The following WASF3 variants were observed in gnomAD, a reference collection of about 807,000 sequenced individuals.
The protein encoded by WASF3 is WASP family member 3.
A neutral mutation model predicts 46.6 loss-of-function variants in WASF3; 11 were observed. The ratio of observed to expected loss-of-function variants is 0.24; its 90% CI spans 0.15 to 0.39. The LOEUF is 0.39. Ranked by LOEUF, WASF3 falls within the 10% of genes least tolerant of loss-of-function variation. WASF3 has a pLI of 1.00. For synonymous variants in WASF3, 242 were observed against 259.7 expected, an observed-to-expected ratio of 0.93 and a Z score of 0.65; for missense variants, 576 against 669.8, an observed-to-expected ratio of 0.86 and a Z score of 1.55.
the WASF3 span, among the ~76,000 whole-genome samples, chr13:26,548,632 A>G: frequency 1.3e-5 from 2 of 152,236 alleles, no homozygotes; most frequent in African/African-American, 4.8e-5. Flanking sequence ...AACTGCCTTC[A>G]GTGGCTCCTT....
rs9512318 is a variant in WASF3, at chr13:26,665,118, G to A, written c.224G>A (p.Arg75His). The A allele has an allele frequency of 7.4e-6, 12 of 1,613,958 alleles. No individual in the cohort carries two copies. The highest frequency in any genetic ancestry group is 2.2e-5 in the East Asian group (1 of 44,896). Residue 75 changes from arginine (R) to histidine (H), a missense_variant, in exon 4 of 10, where the codon CGC becomes CAC. Arg to His is a conservative substitution (Grantham distance 29). Around this residue, in one of 3 missense-constraint regions of WASF3, gnomAD observed 213 missense variants for 278.0 expected, o/e 0.77. Coordinates refer to ENST00000335327, the MANE Select transcript of WASF3 (RefSeq NM_006646.6). ...RANSLQDRID[R>H]LAVKVTQLDS... ...AATTCTCTTCAAGACAGAATTGATCGCCTTGCTGTCAAAGTCACCCAGCTG... is the reference window on the plus strand; with the variant it reads ...AATTCTCTTCAAGACAGAATTGATCACCTTGCTGTCAAAGTCACCCAGCTG...
intron 2 of WASF3, among the ~76,000 whole-genome samples, chr13:26,634,796 A>G (rs1404543913): frequency 1.3e-5 from 2 of 152,136 alleles, no homozygotes. Flanking sequence ...CTTTTCTTTA[A>G]GAAGGTTGAA....
chr13:26,619,825 G>C (rs919041141), intron 2 of WASF3, among the ~76,000 whole-genome samples: 4 of 152,148 alleles, frequency 2.6e-5, no homozygotes, highest in Non-Finnish European at 4.4e-5. Flanking sequence ...GGAGGGACCT[G>C]CTGGGATAGA....
At chr13:26,622,945 A>G (rs1008537667) in intron 2 of WASF3, among the ~76,000 whole-genome samples, 1 of 152,252 alleles carries the variant, frequency 6.6e-6, no homozygotes, top group African/African-American at 2.4e-5. Context: ...TAAGAAACAA[A>G]AAAGGCCAGA....
chr13:26,642,813 C>A (rs1385446717), intron 3 of WASF3, among the ~76,000 whole-genome samples: 1 of 152,132 alleles, frequency 6.6e-6, no homozygotes, highest in African/African-American at 2.4e-5. Context: ...ATATGCCTGG[C>A]ACATAGTACC....
chr13:26,546,385 G>GA, the WASF3 span, among the ~76,000 whole-genome samples: 2 of 152,114 alleles, frequency 1.3e-5, no homozygotes, highest in African/African-American at 2.4e-5. Flanking sequence ...GCAATAATGA[G>GA]AAAAAACGTA....
rs1178550930 is a variant in WASF3 at position 26,585,268 on chromosome 13, T to C, written c.-109+27449T>C. ...GATGGTATAGAACTAAAGATCCAAA[T>C]GTAAACAGCAGCTGTTTACATTAAT... is the stretch of plus-strand genomic sequence containing the variant. On this transcript the variant is annotated intron_variant, in intron 1 of 9. Coordinates refer to ENST00000335327, the MANE Select transcript of WASF3 (RefSeq NM_006646.6). Among the ~76,000 whole-genome samples, 3 of 149,878 alleles carry C rather than the reference T, an allele frequency of 2.0e-5. No homozygotes were observed. In the East Asian group the frequency reaches 5.8e-4, roughly 29 times the overall value.
At chr13:26,621,269 T>C (rs813223) in intron 2 of WASF3, among the ~76,000 whole-genome samples, 2,079 of 152,258 alleles carry the variant, frequency 0.014, 53 homozygotes, top group African/African-American at 0.046. Flanking sequence ...TTTGTTTTAT[T>C]TTCGTTTGTT....
chr13:26,665,196 T>C, intron 4 of WASF3, 34 bp downstream of exon 4: 1 of 1,606,476 alleles, frequency 6.2e-7, no homozygotes, highest in African/African-American at 1.3e-5. Flanking sequence ...GAGCTAGAAG[T>C]GATGTTGACA....
chr13:26,597,401 C>G (rs927527512), intron 1 of WASF3, among the ~76,000 whole-genome samples: 3 of 152,224 alleles, frequency 2.0e-5, no homozygotes, highest in African/African-American at 7.2e-5. Flanking sequence ...TCCGAAAGTG[C>G]TGGGATTACA....
chr13:26,657,247 C>T (rs1209175522), intron 3 of WASF3, among the ~76,000 whole-genome samples: 6 of 152,194 alleles, frequency 3.9e-5, no homozygotes, highest in East Asian at 1.9e-4. Context: ...AGATGATACA[C>T]GGGGTAGAGC....
the WASF3 span, among the ~76,000 whole-genome samples, chr13:26,544,484 A>G: frequency 6.6e-6 from 1 of 152,208 alleles, no homozygotes; most frequent in African/African-American, 2.4e-5. Context: ...AGGGAATGGG[A>G]GCCGCCAGGA....
chr13:26,651,555 T>C (rs564578889), intron 3 of WASF3, among the ~76,000 whole-genome samples: 1 of 152,274 alleles, frequency 6.6e-6, no homozygotes, highest in East Asian at 1.9e-4. Flanking sequence ...CTTTTAAAAA[T>C]GAAAGACATT....
chr13:26,608,586 C>G (rs968312629), intron 1 of WASF3, among the ~76,000 whole-genome samples: 4 of 152,076 alleles, frequency 2.6e-5, no homozygotes, highest in African/African-American at 9.7e-5. Flanking sequence ...TTGTTTTTGC[C>G]TCACTTTCTA....
chr13:26,589,885 T>C (rs1880238639), intron 1 of WASF3, among the ~76,000 whole-genome samples: 1 of 152,070 alleles, frequency 6.6e-6, no homozygotes, highest in African/African-American at 2.4e-5. Flanking sequence ...CTTCTTGTGT[T>C]AGTTTCTTGA....
intron 4 of WASF3, among the ~76,000 whole-genome samples, chr13:26,666,673 G>A (rs1882781000): frequency 6.6e-6 from 1 of 152,094 alleles, no homozygotes; most frequent in Admixed American, 6.5e-5. Flanking sequence ...GCCGAGGCAG[G>A]CGGATCATGA....
intron 1 of WASF3, among the ~76,000 whole-genome samples, chr13:26,561,078 G>A (rs527239074): frequency 1.3e-4 from 20 of 152,272 alleles, no homozygotes; most frequent in African/African-American, 4.6e-4. Flanking sequence ...GGGGGTGGTT[G>A]TGGGCAAGGG....
At position 26,659,548 on chromosome 13, in the gene WASF3, G is replaced by A. The variant is rs1034005761; in HGVS notation, c.134-5480G>A. On this transcript the variant is annotated intron_variant, in intron 3 of 9. Transcript: ENST00000335327. ...TGGACAAGATGACTGGGGCTGCTCGGTTGAGAGTGAACTGAGCAGGGGCGT... is the reference window on the plus strand; with the variant it reads ...TGGACAAGATGACTGGGGCTGCTCGATTGAGAGTGAACTGAGCAGGGGCGT... Among the ~76,000 whole-genome samples the A allele has an allele frequency of 2.0e-5, 3 of 152,176 alleles. No homozygotes were observed. The South Asian group carries it at 6.2e-4, about 32-fold the overall frequency.
the WASF3 span, among the ~76,000 whole-genome samples, chr13:26,547,137 A>G: frequency 1.3e-5 from 2 of 152,128 alleles, no homozygotes; most frequent in African/African-American, 4.8e-5. Flanking sequence ...AGGAAGCTCA[A>G]AACAAAACAG....
Sources: gnomAD v4.1 joint callset for allele counts (sites outside exome capture counted in the v4.1 genomes callset) on GRCh38, gnomAD v4.1.1 for gene constraint, gnomAD v4.1.1 regional missense constraint, MANE v1.5 for transcripts, NCBI Gene and HGNC (gene_info 2026-07-23, HGNC 2026-07-21) for gene names.